Variants in KIF22 observed in about 807,000 individuals in gnomAD.
The protein encoded by KIF22 is kinesin-like protein KIF22.
Under a neutral mutation model 73.0 loss-of-function variants are expected in KIF22, and 62 were observed. That is an observed-to-expected ratio of 0.85 (90% CI 0.69 to 1.05). KIF22 has a LOEUF of 1.05. Ranked by LOEUF, KIF22 falls within the 50% of genes least tolerant of loss-of-function variation. The probability of loss-of-function intolerance (pLI) is 0.00; values close to 1 mark genes in which losing one functional copy is unlikely to be tolerated. For missense variants in KIF22, 854 were observed against 870.1 expected (o/e 0.98, Z 0.23); for synonymous variants, 411 against 340.1 (o/e 1.21, Z -2.29).
chr16:29,793,589 C>T (rs1186803607), intron 1 of KIF22, among the ~76,000 whole-genome samples: 1 of 152,008 alleles, frequency 6.6e-6, no homozygotes, highest in South Asian at 2.1e-4. Context: ...GGTCTCAGCT[C>T]GGGGCAACTT....
intron 10 of KIF22, 54 bp downstream of exon 10, chr16:29,803,662 AG>A: frequency 7.3e-7 from 1 of 1,368,978 alleles, no homozygotes. Context: ...CCTATAAGGG[AG>A]GAAGTGTTAG....
chr16:29,799,794 G>A lies in KIF22; in HGVS notation c.1144+13G>A, dbSNP rs757892237. ...CTGCAGCCTCATGGTGAGAACTGGG[G>A]GAGGCAGGAGTGGAAACGCTGGGTC... is the stretch of plus-strand genomic sequence containing the variant. On this transcript the variant is annotated intron_variant, in intron 7 of 13. Transcript: ENST00000160827. The A allele has an allele frequency of 1.2e-6, 2 of 1,613,824 alleles. No homozygotes were observed. Among genetic ancestry groups the A allele is most frequent in the East Asian group, 2.2e-5 (1 of 44,866 alleles).
rs757028180 is a variant in KIF22, at chr16:29,802,764, C to G, written c.1281-5C>G. On this transcript the variant is annotated splice_region_variant and splice_polypyrimidine_tract_variant and intron_variant, in intron 8 of 13. Coordinates refer to ENST00000160827, the MANE Select transcript of KIF22 (RefSeq NM_007317.3). ...AGGTGGGGAGCAACTTCTTTTTCTGCTCAGCCCCCTACAGAAGCTAAGCAG... is the reference window on the plus strand; with the variant it reads ...AGGTGGGGAGCAACTTCTTTTTCTGGTCAGCCCCCTACAGAAGCTAAGCAG... 1.9e-6 allele frequency: 3 copies of G among 1,554,944 alleles called. No homozygotes were observed. The highest frequency in any genetic ancestry group is 2.6e-6 in the Non-Finnish European group (3 of 1,155,714).
intron 1 of KIF22, among the ~76,000 whole-genome samples, chr16:29,794,821 C>T (rs1264556869): frequency 1.7e-4 from 26 of 152,232 alleles, no homozygotes; most frequent in Admixed American, 1.7e-3. Context: ...GGTGATCTGC[C>T]CACCTTGGCC....
At chr16:29,802,172 CAG>C (rs560301157) in intron 8 of KIF22, among the ~76,000 whole-genome samples, 34 of 142,980 alleles carry the variant, frequency 2.4e-4, no homozygotes, top group South Asian at 8.6e-4. Flanking sequence ...GAGGCTGAGA[CAG>C]GGGGATTGCT....
chr16:29,796,285 ACAC>A (rs1249429300), intron 1 of KIF22, among the ~76,000 whole-genome samples: 118 of 122,510 alleles, frequency 9.6e-4, no homozygotes, highest in Middle Eastern at 4.2e-3. Flanking sequence ...AAAAAAAAAA[ACAC>A]ACACACACAC....
chr16:29,803,431 C>A lies in KIF22; in HGVS notation c.1450-18C>A, dbSNP rs1899212360. The A allele has an allele frequency of 1.9e-6, 3 of 1,613,724 alleles. No homozygotes were observed. Among genetic ancestry groups the A allele is most frequent in the Non-Finnish European group, 2.5e-6 (3 of 1,179,852 alleles). The stretch of plus-strand genomic sequence containing the variant: ...TGGAGTTGGGTCTGGATCACATCTC[C>A]CTGATCCTTTCCAACAGAGGCTTAA... On this transcript the variant is annotated intron_variant, in intron 9 of 13. Transcript: ENST00000160827.
chr16:29,791,010 C>T, intron 1 of KIF22, 181 bp downstream of exon 1: 1 of 1,453,480 alleles, frequency 6.9e-7, no homozygotes, highest in Non-Finnish European at 9.1e-7. Flanking sequence ...TGGCTCCTGC[C>T]TTCTCCCTGT....
chr16:29,792,512 A>G (rs1457761659), intron 1 of KIF22: 1 of 559,754 alleles, frequency 1.8e-6, no homozygotes, highest in East Asian at 1.4e-4. Context: ...TGGGGTTAGA[A>G]AGGTGAGCAG....
Position 29,798,428 on chromosome 16 carries a change from A to G in KIF22, c.321A>G (p.Ser107=), listed in dbSNP as rs766305653. 1.3e-5 allele frequency: 21 copies of G among 1,613,882 alleles called. No individual in the cohort carries two copies. The highest frequency in any genetic ancestry group is 1.7e-5 in the Non-Finnish European group (20 of 1,180,020). Residue 107 remains serine (S), a synonymous_variant, in exon 3 of 14, where the codon TCA becomes TCG. Transcript: ENST00000160827. The surrounding 1 kb of genome is among the most constrained non-coding windows in gnomAD (Gnocchi z 4.1). ...CTCAGCAGGACATCTATGCAGGTTC[A>G]GTGCAGCCCATCCTAAGGCACTTGC... ...RSTQQDIYAG[S]VQPILRHLLE...
intron 8 of KIF22, among the ~76,000 whole-genome samples, chr16:29,801,981 T>C (rs563946753): frequency 6.6e-6 from 1 of 152,148 alleles, no homozygotes; most frequent in South Asian, 2.1e-4. Context: ...TGTTAGACGT[T>C]GCTGACTGGG....
Position 29,798,808 on chromosome 16 carries a change from G to T in KIF22, c.549+61G>T, listed in dbSNP as rs1199255571. ...AGGGTCAAAGTAAGACCTGGTTCTA[G>T]AACATGAAGCTCTGCTGTAGCAGGG... On this transcript the variant is annotated intron_variant, in intron 4 of 13. Transcript: ENST00000160827. This position sits in a 1 kb window ranked among gnomAD's most constrained non-coding sequence, Gnocchi z 4.1. 22 of 1,587,942 alleles carry T rather than the reference G, an allele frequency of 1.4e-5. No homozygotes were observed. Among genetic ancestry groups the T allele is most frequent in the East Asian group, 4.5e-5 (2 of 44,662 alleles).
chr16:29,797,911 C>T lies in KIF22; in HGVS notation c.267-463C>T, dbSNP rs1156891174. On this transcript the variant is annotated intron_variant, in intron 2 of 13. Coordinates refer to ENST00000160827, the MANE Select transcript of KIF22 (RefSeq NM_007317.3). The surrounding 1 kb of genome is among the most constrained non-coding windows in gnomAD (Gnocchi z 4.1). ...TCATAAGCAGCATCCTCTATTTTCCCCATTATGGTGTAAAATACAATGTTC... is the reference window on the plus strand; with the variant it reads ...TCATAAGCAGCATCCTCTATTTTCCTCATTATGGTGTAAAATACAATGTTC... Among the ~76,000 whole-genome samples, 4 of 152,128 alleles carry T rather than the reference C, an allele frequency of 2.6e-5. No individual in the cohort carries two copies.
chr16:29,796,853 C>A, intron 1 of KIF22, 40 bp from the exon 2 acceptor site: 1 of 1,601,858 alleles, frequency 6.2e-7, no homozygotes, highest in South Asian at 1.1e-5. Context: ...CTTCTGCTAC[C>A]ACCATACTTC....
At position 29,802,798 on chromosome 16, in the gene KIF22, C is replaced by T. The variant is rs372337472; in HGVS notation, c.1310C>T (p.Pro437Leu). Residue 437 changes from proline (P) to leucine (L), a missense_variant, in exon 9 of 14, where the codon CCG becomes CTG. By Grantham distance (98) the Pro-to-Leu change is moderately conservative. This residue lies in a region of KIF22 where 423 missense variants were observed against 365.4 expected (regional missense o/e 1.16). Coordinates refer to ENST00000160827, the MANE Select transcript of KIF22 (RefSeq NM_007317.3). ...SPLQKLSSMD[P>L]AMLERLLSLD... ...CTACAGAAGCTAAGCAGCATGGACC[C>T]GGCCATGCTGGAGCGCCTCCTCAGC... 1.9e-5 allele frequency: 30 copies of T among 1,599,590 alleles called. No individual in the cohort carries two copies. In the East Asian group the frequency reaches 3.2e-4, roughly 17 times the overall value.
chr16:29,804,513 G>A (rs762327543), intron 11 of KIF22: 1 of 657,462 alleles, frequency 1.5e-6, no homozygotes, highest in South Asian at 1.5e-5. Flanking sequence ...TTTTAGAGAT[G>A]AGGGACCAGA....
Position 29,804,866 on chromosome 16 carries a change from A to G in KIF22, c.1730A>G (p.Glu577Gly). The G allele has an allele frequency of 7.4e-6, 12 of 1,613,738 alleles. No homozygotes were observed. Among genetic ancestry groups the G allele is most frequent in the Admixed American group, 1.7e-5 (1 of 60,008 alleles). The change falls in exon 12 of 14, where the codon GAG becomes GGG. Residue 577 changes from glutamate (E) to glycine (G), a missense_variant. By Grantham distance (98) the Glu-to-Gly change is moderately conservative. This residue lies in a region of KIF22 where 423 missense variants were observed against 365.4 expected (regional missense o/e 1.16). Coordinates refer to ENST00000160827, the MANE Select transcript of KIF22 (RefSeq NM_007317.3). ...GAGGAGAAGGCTGAGGACTGCTGGG[A>G]GCTACAGATCAGCCCGGAGCTACTG... ...EPEEKAEDCW[E>G]LQISPELLAH...
intron 11 of KIF22, 45 bp downstream of exon 11, chr16:29,804,110 A>AAGGGGGAGTAGGCTCT: frequency 6.7e-7 from 1 of 1,485,954 alleles, no homozygotes; most frequent in Non-Finnish European, 9.4e-7. Flanking sequence ...GCCCAGAAGT[A>AAGGGGGAGTAGGCTCT]AGGGGGAGTA....
At position 29,803,544 on chromosome 16, in the gene KIF22, T is replaced by A. The variant is rs1899219614; in HGVS notation, c.1545T>A (p.Leu515=). 6.2e-7 allele frequency: 1 copy of A among 1,613,962 alleles called. No homozygotes were observed. Among genetic ancestry groups the A allele is most frequent in the Non-Finnish European group, 8.5e-7 (1 of 1,179,906 alleles). ...ENHCPTMLRP[L]SHRTVTGAKP... is the part of the protein sequence containing the mutation. ...ATTGTCCCACAATGCTCCGGCCCCT[T>A]TCACATCGCACAGTCACAGGGGCAA... The change falls in exon 10 of 14, where the codon CTT becomes CTA. Residue 515 remains leucine (L), a synonymous_variant. Transcript: ENST00000160827.
Sources: gnomAD v4.1 joint callset for allele counts (sites outside exome capture counted in the v4.1 genomes callset) on GRCh38, gnomAD v4.1.1 for gene constraint, gnomAD v4.1.1 regional missense constraint, Gnocchi (gnomAD v3.1) non-coding constraint, MANE v1.5 for transcripts, NCBI Gene and HGNC (gene_info 2026-07-23, HGNC 2026-07-21) for gene names.